The following PLXDC2 variants were observed in gnomAD, a reference collection of about 807,000 sequenced individuals.
The protein encoded by PLXDC2 is plexin domain-containing protein 2.
Under a neutral mutation model 68.9 loss-of-function variants are expected in PLXDC2, and 40 were observed. The ratio of observed to expected loss-of-function variants is 0.58; its 90% confidence interval spans 0.45 to 0.76. The LOEUF (loss-of-function observed/expected upper bound fraction) is 0.76, where lower values mean the gene tolerates loss of function less well. PLXDC2 is among the 30% of genes least tolerant of loss of function. PLXDC2 has a pLI of 0.00. For missense variants in PLXDC2, 644 were observed against 661.9 expected, an observed-to-expected ratio of 0.97 and a Z score of 0.30; for synonymous variants, 243 against 234.2, an observed-to-expected ratio of 1.04 and a Z score of -0.34.
intron 3 of PLXDC2, among the ~76,000 whole-genome samples, chr10:20,057,384 A>G (rs1836017804): frequency 6.6e-6 from 1 of 152,096 alleles, no homozygotes; most frequent in South Asian, 2.1e-4. Flanking sequence ...AATATTTTTT[A>G]TACCTGGTCC....
chr10:20,214,965 C>T (rs1454592586), intron 10 of PLXDC2, among the ~76,000 whole-genome samples: 2 of 152,030 alleles, frequency 1.3e-5, no homozygotes, highest in African/African-American at 4.8e-5. Flanking sequence ...GCCTGAAATC[C>T]AAAAGAGGAA....
intron 13 of PLXDC2, among the ~76,000 whole-genome samples, chr10:20,276,530 A>G (rs1836009038): frequency 6.6e-6 from 1 of 152,174 alleles, no homozygotes; most frequent in Admixed American, 6.5e-5. Flanking sequence ...TCAGAAATGA[A>G]ATTAGAAATC....
chr10:20,141,575 T>A (rs566071666), intron 4 of PLXDC2, among the ~76,000 whole-genome samples: 1 of 152,156 alleles, frequency 6.6e-6, no homozygotes, highest in East Asian at 1.9e-4. Context: ...ACATTTCTCT[T>A]CAGAGATGGT....
In PLXDC2 at chr10:20,256,014, G is replaced by A. The variant is rs147432275; in HGVS notation, c.1473+10509G>A. On this transcript the variant is annotated intron_variant, in intron 13 of 13. Coordinates refer to ENST00000377252, the MANE Select transcript of PLXDC2 (RefSeq NM_032812.9). ...TCTATGTCTATACTTTCTACTTTCA[G>A]CTAATTACTACATTTGTATTCTAAT... Among the ~76,000 whole-genome samples, 144 of 151,986 alleles carry A rather than the reference G, an allele frequency of 9.5e-4. 1 individual carries two copies. The highest frequency in any genetic ancestry group is 3.4e-3 in the African/African-American group (142 of 41,466).
intron 1 of PLXDC2, among the ~76,000 whole-genome samples, chr10:19,979,749 C>T (rs1457921080): frequency 6.6e-6 from 1 of 152,146 alleles, no homozygotes; most frequent in African/African-American, 2.4e-5. Context: ...CTAAAGGTAC[C>T]ACTTGACCAG....
chr10:19,854,443 G>C (rs1465055801), intron 1 of PLXDC2, among the ~76,000 whole-genome samples: 1 of 152,138 alleles, frequency 6.6e-6, no homozygotes, highest in African/African-American at 2.4e-5. Context: ...AGACATTTGA[G>C]GTGGTCACAA....
chr10:20,236,425 A>G (rs1401197814), intron 12 of PLXDC2, among the ~76,000 whole-genome samples: 2 of 152,188 alleles, frequency 1.3e-5, no homozygotes, highest in Non-Finnish European at 2.9e-5. Flanking sequence ...AGCCTGGGCC[A>G]CAGAGCGAGA....
chr10:20,181,628 T>A (rs1834606366), intron 9 of PLXDC2, among the ~76,000 whole-genome samples: 1 of 151,966 alleles, frequency 6.6e-6, no homozygotes, highest in African/African-American at 2.4e-5. Context: ...GCACTGGCCC[T>A]ATGGTGGGTC....
intron 6 of PLXDC2, among the ~76,000 whole-genome samples, chr10:20,149,229 C>CTTTTTTTTTTTTTTTTTTTTTTTTTTT (rs71200986): frequency 2.9e-5 from 1 of 34,938 alleles, no homozygotes; most frequent in Non-Finnish European, 4.8e-5. Context: ...TTTTTCTTTT[C>CTTTTTTTTTTTTTTTTTTTTTTTTTTT]TTTTTTTTTT....
At chr10:19,901,385 G>A (rs34084185) in intron 1 of PLXDC2, among the ~76,000 whole-genome samples, 33,152 of 152,014 alleles carry the variant, frequency 0.22, 4,064 homozygotes, top group South Asian at 0.31. Context: ...GGAGTGAGGT[G>A]GTATTGCCTT....
intron 6 of PLXDC2, among the ~76,000 whole-genome samples, chr10:20,151,251 T>C (rs1034224378): frequency 2.0e-5 from 3 of 152,190 alleles, no homozygotes; most frequent in African/African-American, 7.2e-5. Context: ...ATATTCCTAA[T>C]CACATGATAG....
intron 1 of PLXDC2, among the ~76,000 whole-genome samples, chr10:19,999,238 T>C (rs943090624): frequency 6.6e-6 from 1 of 152,184 alleles, no homozygotes; most frequent in Non-Finnish European, 1.5e-5. Context: ...CAGAAAGTTC[T>C]GTTTTGTCCT....
intron 1 of PLXDC2, among the ~76,000 whole-genome samples, chr10:19,948,514 T>C (rs555710778): frequency 6.8e-4 from 103 of 152,082 alleles, no homozygotes; most frequent in Non-Finnish European, 1.2e-3. Flanking sequence ...CACATCTCTA[T>C]TGATGGTGGA....
chr10:20,101,508 T>C (rs1833421328), intron 4 of PLXDC2, among the ~76,000 whole-genome samples: 1 of 152,204 alleles, frequency 6.6e-6, no homozygotes, highest in South Asian at 2.1e-4. Flanking sequence ...TTCACCTAAT[T>C]TCTGTCTGCA....
At chr10:20,054,688 C>T (rs1835963438) in intron 3 of PLXDC2, among the ~76,000 whole-genome samples, 1 of 151,988 alleles carries the variant, frequency 6.6e-6, no homozygotes, top group Admixed American at 6.6e-5. Flanking sequence ...GAACATCACA[C>T]ACCGGGGCCT....
intron 6 of PLXDC2, among the ~76,000 whole-genome samples, chr10:20,155,591 G>A (rs1834206416): frequency 6.6e-6 from 1 of 152,044 alleles, no homozygotes; most frequent in African/African-American, 2.4e-5. Flanking sequence ...TTATATCATA[G>A]GACTTCCCTA....
rs183351653 is a variant in PLXDC2, at chr10:20,273,433, G to A, written c.1474-6270G>A. Among the ~76,000 whole-genome samples, 96 of 152,216 alleles carry A rather than the reference G, an allele frequency of 6.3e-4. 1 individual carries two copies. Among genetic ancestry groups the A allele is most frequent in the African/African-American group, 2.2e-3 (93 of 41,520 alleles). On this transcript the variant is annotated intron_variant, in intron 13 of 13. Transcript: ENST00000377252. Reference sequence around the variant, plus strand: ...ATGTTATGAAAAGGATTCACTCCTGGTGTCAGATAGCTTCAATACTCCACT... The same window carrying A: ...ATGTTATGAAAAGGATTCACTCCTGATGTCAGATAGCTTCAATACTCCACT...
intron 1 of PLXDC2, among the ~76,000 whole-genome samples, chr10:19,863,823 A>AT (rs1237320778): frequency 4.8e-4 from 10 of 20,916 alleles, no homozygotes; most frequent in Admixed American, 1.2e-3. Context: ...ACTATTCAAA[A>AT]ATTTTTTAAT....
intron 1 of PLXDC2, among the ~76,000 whole-genome samples, chr10:19,994,405 T>C (rs1011982468): frequency 9.7e-5 from 14 of 144,856 alleles, no homozygotes; most frequent in Non-Finnish European, 3.0e-5. Context: ...CATGGCTCAC[T>C]GCAGCCTTGT....
Sources: gnomAD v4.1 joint callset for allele counts (sites outside exome capture counted in the v4.1 genomes callset) on GRCh38, gnomAD v4.1.1 for gene constraint, MANE v1.5 for transcripts, NCBI Gene and HGNC (gene_info 2026-07-23, HGNC 2026-07-21) for gene names.